TENM4: variants seen among roughly 807,000 people sequenced by gnomAD.
The protein encoded by TENM4 is teneurin-4.
In TENM4, 82 loss-of-function variants were observed where a neutral mutation model predicts 243.3. That is an observed-to-expected ratio of 0.34 (90% confidence interval 0.28 to 0.40). The LOEUF is 0.40. Ranked by LOEUF, TENM4 falls within the 10% of genes least tolerant of loss-of-function variation. The probability of loss-of-function intolerance (pLI) is 1.00; values close to 1 mark genes in which losing one functional copy is unlikely to be tolerated. For missense variants in TENM4, 3,138 were observed against 3,673.3 expected (o/e 0.85, Z 3.77); for synonymous variants, 1,412 against 1,456.3 (o/e 0.97, Z 0.69).
At chr11:78,849,991 G>T (rs745993777) in intron 12 of TENM4, among the ~76,000 whole-genome samples, 30 of 152,130 alleles carry the variant, frequency 2.0e-4, no homozygotes, top group Non-Finnish European at 4.0e-4. Flanking sequence ...ATCTCCACCT[G>T]CAGGGAAAGC....
chr11:78,884,174 G>C (rs961137537), intron 9 of TENM4, among the ~76,000 whole-genome samples: 1 of 152,176 alleles, frequency 6.6e-6, no homozygotes, highest in African/African-American at 2.4e-5. Context: ...GGGCAACTGA[G>C]GCAGAGAGAG....
chr11:79,173,926 T>C (rs1863104362), intron 3 of TENM4, among the ~76,000 whole-genome samples: 1 of 152,200 alleles, frequency 6.6e-6, no homozygotes, highest in Non-Finnish European at 1.5e-5. Context: ...CAGAGGGTTA[T>C]AAGGGAAAAG....
Position 78,669,061 on chromosome 11 carries a change from C to A in TENM4, c.7284G>T (p.Trp2428Cys), listed in dbSNP as rs1359327025. The A allele has an allele frequency of 6.2e-7, 1 of 1,613,934 alleles. No individual in the cohort carries two copies. Among genetic ancestry groups the A allele is most frequent in the Non-Finnish European group, 8.5e-7 (1 of 1,179,874 alleles). ...TCCACAGCTCGTGGTCTGGGCTAGT[C>A]CAGCGTCCGGCCAGCACATCATAAT... is the stretch of plus-strand genomic sequence containing the variant. ...RRDYDVLAGR[W>C]TSPDHELWKH... is the part of the protein sequence containing the mutation. Residue 2428 changes from tryptophan to cysteine, a missense_variant, in exon 32 of 34, where the codon TGG becomes TGT. Physicochemically the swap from Trp to Cys is radical, Grantham distance 215. This residue lies in a region of TENM4 where 2,467 missense variants were observed against 3,059.1 expected (regional missense o/e 0.81). Transcript: ENST00000278550. The surrounding 1 kb of genome is among the most constrained non-coding windows in gnomAD (Gnocchi z 6.4).
intron 3 of TENM4, among the ~76,000 whole-genome samples, chr11:79,201,275 A>C (rs902144886): frequency 6.6e-6 from 1 of 152,118 alleles, no homozygotes; most frequent in Non-Finnish European, 1.5e-5. Flanking sequence ...CAGGGACTGC[A>C]CTTTGAGAAC....
At chr11:79,116,323 G>A (rs954875336) in intron 4 of TENM4, among the ~76,000 whole-genome samples, 3 of 152,204 alleles carry the variant, frequency 2.0e-5, no homozygotes, top group Admixed American at 6.5e-5. Context: ...GAAATGCTAA[G>A]TAGCTTGCTC....
intron 1 of TENM4, among the ~76,000 whole-genome samples, chr11:79,299,660 C>T (rs1170254266): frequency 1.1e-4 from 16 of 152,092 alleles, no homozygotes; most frequent in Admixed American, 1.0e-3. Flanking sequence ...AAATAGTAAC[C>T]GAGGAAATAG....
At chr11:79,163,975 AGT>A (rs1410921786) in intron 3 of TENM4, among the ~76,000 whole-genome samples, 1 of 132,168 alleles carries the variant, frequency 7.6e-6, no homozygotes, top group Non-Finnish European at 1.5e-5. Flanking sequence ...ATCTATATAT[AGT>A]GTATATATAG....
At chr11:78,725,662 C>G (rs1855494102) in intron 23 of TENM4, among the ~76,000 whole-genome samples, 1 of 152,224 alleles carries the variant, frequency 6.6e-6, no homozygotes, top group Non-Finnish European at 1.5e-5. Context: ...AATGTTCTCC[C>G]TACTTGATAC....
intron 2 of TENM4, among the ~76,000 whole-genome samples, chr11:79,288,063 C>G (rs901321911): frequency 6.6e-6 from 1 of 152,222 alleles, no homozygotes; most frequent in African/African-American, 2.4e-5. Flanking sequence ...TACCAAATAC[C>G]TCTTCCTTGA....
intron 4 of TENM4, among the ~76,000 whole-genome samples, chr11:79,125,431 A>G (rs1309668524): frequency 6.6e-6 from 1 of 150,668 alleles, no homozygotes; most frequent in Non-Finnish European, 1.5e-5. Flanking sequence ...AAATTGTGGA[A>G]AAACAGACAC....
intron 6 of TENM4, among the ~76,000 whole-genome samples, chr11:78,934,405 C>T (rs537032970): frequency 4.4e-5 from 2 of 45,604 alleles, no homozygotes; most frequent in Non-Finnish European, 1.1e-4. Flanking sequence ...CTCAGGGAAA[C>T]ATGAATCATG....
At chr11:78,852,596 T>C (rs1227324425) in intron 12 of TENM4, among the ~76,000 whole-genome samples, 1 of 152,092 alleles carries the variant, frequency 6.6e-6, no homozygotes, top group African/African-American at 2.4e-5. Context: ...GGCAGGAGGA[T>C]CACCCGAGCC....
At chr11:78,751,330 T>C (rs1856187474) in intron 19 of TENM4, among the ~76,000 whole-genome samples, 1 of 152,212 alleles carries the variant, frequency 6.6e-6, no homozygotes, top group East Asian at 1.9e-4. Context: ...TAAAGTCCCC[T>C]GACTTCTTGA....
chr11:79,259,746 C>G (rs1165930021), intron 2 of TENM4, among the ~76,000 whole-genome samples: 2 of 152,208 alleles, frequency 1.3e-5, no homozygotes, highest in Non-Finnish European at 2.9e-5. Flanking sequence ...AACTCAATCA[C>G]CAAGTATCCA....
At chr11:78,822,050 C>T (rs1259418179) in intron 12 of TENM4, among the ~76,000 whole-genome samples, 3 of 152,130 alleles carry the variant, frequency 2.0e-5, no homozygotes, top group Non-Finnish European at 4.4e-5. Flanking sequence ...ATGACTAAAA[C>T]GAATGACCTA....
At chr11:79,039,539 C>T (rs1418994847) in intron 6 of TENM4, among the ~76,000 whole-genome samples, 1 of 152,150 alleles carries the variant, frequency 6.6e-6, no homozygotes, top group Non-Finnish European at 1.5e-5. Context: ...TGCACATGGT[C>T]CCCAGTAGAA....
chr11:79,168,055 T>C (rs543692379), intron 3 of TENM4, among the ~76,000 whole-genome samples: 31 of 152,292 alleles, frequency 2.0e-4, no homozygotes, highest in African/African-American at 7.5e-4. Context: ...CATGGTTAGA[T>C]CATTGTCTTG....
intron 3 of TENM4, among the ~76,000 whole-genome samples, chr11:79,205,304 C>T (rs1863827717): frequency 6.6e-6 from 1 of 152,128 alleles, no homozygotes; most frequent in Non-Finnish European, 1.5e-5. Context: ...TAGATACAGT[C>T]TACCAATCAT....
At chr11:79,033,322 C>T (rs749501268) in intron 6 of TENM4, among the ~76,000 whole-genome samples, 7 of 152,104 alleles carry the variant, frequency 4.6e-5, no homozygotes, top group Admixed American at 2.6e-4. Context: ...AAAATGTGCA[C>T]ACCAGAGGAG....
Sources: allele counts gnomAD v4.1 joint callset (sites outside exome capture counted in the v4.1 genomes callset), GRCh38; gene constraint gnomAD v4.1.1; regional missense constraint gnomAD v4.1.1; non-coding constraint Gnocchi (gnomAD v3.1); transcripts MANE v1.5; gene names NCBI Gene and HGNC (gene_info 2026-07-23, HGNC 2026-07-21).